The following RALGAPA1 variants were observed in gnomAD, a reference collection of about 807,000 sequenced individuals.
RALGAPA1 encodes ral GTPase-activating protein subunit alpha-1.
A neutral mutation model predicts 269.6 loss-of-function variants in RALGAPA1; 52 were observed. That is an observed-to-expected ratio of 0.19 (90% CI 0.15 to 0.24). The LOEUF (loss-of-function observed/expected upper bound fraction) is 0.24. RALGAPA1 is among the 10% of genes least tolerant of loss of function. RALGAPA1 has a pLI of 1.00. For synonymous variants in RALGAPA1, 817 were observed against 1,008.3 expected (o/e 0.81, Z 3.60); for missense variants, 1,917 against 3,013.9 (o/e 0.64, Z 8.52).
chr14:35,644,643 A>G (rs890772101), intron 31 of RALGAPA1, among the ~76,000 whole-genome samples: 1 of 152,250 alleles, frequency 6.6e-6, no homozygotes, highest in African/African-American at 2.4e-5. Flanking sequence ...CCAGATAAAT[A>G]ATCAATATGG....
intron 14 of RALGAPA1, 156 bp from the exon 15 acceptor site, chr14:35,723,420 G>T (rs192349424): frequency 4.0e-6 from 2 of 503,662 alleles, no homozygotes; most frequent in Non-Finnish European, 7.1e-6. Flanking sequence ...AGCAATTCAT[G>T]CAATCATTAG....
At chr14:35,751,402 G>T (rs2072671903) in intron 8 of RALGAPA1, among the ~76,000 whole-genome samples, 1 of 152,174 alleles carries the variant, frequency 6.6e-6, no homozygotes. Context: ...TGCCAAACAA[G>T]AATTCAGTTT....
At chr14:35,718,807 A>AAAAT (rs1380898895) in intron 16 of RALGAPA1, among the ~76,000 whole-genome samples, 2 of 151,806 alleles carry the variant, frequency 1.3e-5, no homozygotes, top group African/African-American at 4.9e-5. Context: ...TCCATCTCAA[A>AAAAT]AAATAAATAA....
intron 1 of RALGAPA1, among the ~76,000 whole-genome samples, chr14:35,807,370 T>C (rs1322865948): frequency 6.6e-6 from 1 of 152,260 alleles, no homozygotes; most frequent in African/African-American, 2.4e-5. Context: ...AAGCTTTACA[T>C]TTTCTTGAAA....
intron 4 of RALGAPA1, 58 bp from the exon 5 acceptor site, chr14:35,762,811 T>C: frequency 9.3e-7 from 1 of 1,076,378 alleles, no homozygotes; most frequent in Non-Finnish European, 1.4e-6. Flanking sequence ...AATGTCAGAG[T>C]TCTCGGTCGG....
Position 35,538,356 on chromosome 14 carries a change from T to G in RALGAPA1, c.*1358A>C, listed in dbSNP as rs1017577957. On this transcript the variant is annotated 3_prime_UTR_variant, in exon 42 of 42. Transcript: ENST00000680220. Reference sequence around the variant, plus strand: ...TAGAAGACAAATCAACACTCATGGATAGGAAGTGATAAGAATATTTTTATT... The same window carrying G: ...TAGAAGACAAATCAACACTCATGGAGAGGAAGTGATAAGAATATTTTTATT... The G allele has an allele frequency of 6.6e-6, 1 of 152,294 alleles. No homozygotes were observed. The highest frequency in any genetic ancestry group is 2.4e-5 in the African/African-American group (1 of 41,446). 9.4% of individuals were successfully genotyped at this position (152,294 alleles called of 1,614,324 possible).
chr14:35,576,885 A>G (rs1194267497), intron 37 of RALGAPA1, among the ~76,000 whole-genome samples: 1 of 152,224 alleles, frequency 6.6e-6, no homozygotes, highest in Non-Finnish European at 1.5e-5. Flanking sequence ...TAATTAATTT[A>G]TGTGCTATGA....
chr14:35,663,587 AT>A (rs371523411), intron 27 of RALGAPA1, among the ~76,000 whole-genome samples: 344 of 132,276 alleles, frequency 2.6e-3, no homozygotes, highest in South Asian at 4.2e-3. Context: ...ACCCTTGGGA[AT>A]TTTTTTTTTT....
intron 31 of RALGAPA1, among the ~76,000 whole-genome samples, chr14:35,645,346 GGTGT>G (rs58039867): frequency 0.091 from 11,738 of 129,416 alleles, 716 homozygotes; most frequent in East Asian, 0.36. Flanking sequence ...TATAGAGATG[GGTGT>G]GTGTGTGTGT....
chr14:35,740,651 C>A (rs1447605521), intron 11 of RALGAPA1, among the ~76,000 whole-genome samples: 8 of 151,850 alleles, frequency 5.3e-5, no homozygotes, highest in Non-Finnish European at 8.8e-5. Context: ...ATTAAAAATA[C>A]AAAAAAATTA....
At chr14:35,788,131 C>T (rs1187438585) in intron 1 of RALGAPA1, among the ~76,000 whole-genome samples, 1 of 151,950 alleles carries the variant, frequency 6.6e-6, no homozygotes, top group Non-Finnish European at 1.5e-5. Context: ...GCCACCATGC[C>T]CAGCTCATTT....
At chr14:35,770,329 G>T (rs1347545623) in intron 4 of RALGAPA1, among the ~76,000 whole-genome samples, 1 of 152,050 alleles carries the variant, frequency 6.6e-6, no homozygotes, top group East Asian at 1.9e-4. Flanking sequence ...GGTGAAGACT[G>T]ACCATTATCT....
intron 18 of RALGAPA1, among the ~76,000 whole-genome samples, chr14:35,688,038 T>C (rs2066112547): frequency 6.6e-6 from 1 of 152,164 alleles, no homozygotes; most frequent in African/African-American, 2.4e-5. Context: ...AGATCAGCAG[T>C]AAAAATAAGT....
chr14:35,765,013 T>C (rs909946489), intron 4 of RALGAPA1, among the ~76,000 whole-genome samples: 1 of 152,212 alleles, frequency 6.6e-6, no homozygotes, highest in Non-Finnish European at 1.5e-5. Flanking sequence ...ATCAGAAAAT[T>C]ATTTCCTTGT....
intron 1 of RALGAPA1, among the ~76,000 whole-genome samples, chr14:35,799,746 C>T (rs1595601596): frequency 6.6e-6 from 1 of 151,938 alleles, no homozygotes; most frequent in East Asian, 1.9e-4. Flanking sequence ...CAAACCTAAC[C>T]ATATCAACAA....
chr14:35,585,002 C>G (rs752917511), intron 37 of RALGAPA1, among the ~76,000 whole-genome samples: 6 of 152,116 alleles, frequency 3.9e-5, no homozygotes, highest in Admixed American at 6.6e-5. Context: ...CATGCTAACA[C>G]TAATCAAAAG....
At chr14:35,592,359 A>G (rs1414311722) in intron 37 of RALGAPA1, among the ~76,000 whole-genome samples, 1 of 152,252 alleles carries the variant, frequency 6.6e-6, no homozygotes, top group Admixed American at 6.5e-5. Context: ...AAGAGATTGA[A>G]GAATTAATTA....
intron 35 of RALGAPA1, among the ~76,000 whole-genome samples, chr14:35,618,853 C>T (rs561730843): frequency 3.3e-5 from 5 of 152,108 alleles, no homozygotes; most frequent in African/African-American, 7.2e-5. Flanking sequence ...TAGAAATATA[C>T]AAACAAGAAA....
chr14:35,665,598 A>G (rs2063863904), intron 26 of RALGAPA1, among the ~76,000 whole-genome samples: 1 of 152,222 alleles, frequency 6.6e-6, no homozygotes, highest in South Asian at 2.1e-4. Flanking sequence ...GCAATGGTGT[A>G]ATACTCTATT....
Sources: allele counts gnomAD v4.1 joint callset (sites outside exome capture counted in the v4.1 genomes callset), GRCh38; gene constraint gnomAD v4.1.1; transcripts MANE v1.5; gene names NCBI Gene and HGNC (gene_info 2026-07-23, HGNC 2026-07-21).